Variants in DGKH observed in about 807,000 individuals in gnomAD.
DGKH encodes diacylglycerol kinase eta.
In DGKH, 90 loss-of-function variants were observed where a neutral mutation model predicts 159.3. That is an observed-to-expected ratio of 0.57 (90% CI 0.48 to 0.67). DGKH has a LOEUF of 0.67. Among genes scored for constraint, DGKH ranks in the 30% least tolerant of loss-of-function variants. The pLI, the probability that DGKH is intolerant of heterozygous loss-of-function variation, is 0.00. For synonymous variants in DGKH, 536 were observed against 553.8 expected (o/e 0.97, Z 0.45); for missense variants, 1,181 against 1,506.1 (o/e 0.78, Z 3.57).
In DGKH at chr13:42,233,769, C is replaced by T. The variant is rs1958355093; in HGVS notation, c.*4581C>T. The stretch of plus-strand genomic sequence containing the variant: ...TTGACATGTGGCATGTTCATTTGTT[C>T]ACAACTTAATCACGGGGGACATTTC... On this transcript the variant is annotated 3_prime_UTR_variant, in exon 30 of 30. Coordinates refer to ENST00000337343, the MANE Select transcript of DGKH (RefSeq NM_178009.5). The T allele has an allele frequency of 6.6e-6, 1 of 152,204 alleles. No individual in the cohort carries two copies. The highest frequency in any genetic ancestry group is 1.5e-5 in the Non-Finnish European group (1 of 68,026). The allele number at this position is 152,204 out of a possible 1,614,324, so 9.4% of individuals were successfully genotyped here.
intron 3 of DGKH, among the ~76,000 whole-genome samples, chr13:42,149,511 G>A (rs181327092): frequency 6.6e-6 from 1 of 152,308 alleles, no homozygotes; most frequent in East Asian, 1.9e-4. Flanking sequence ...CCTGGAGGCT[G>A]CAACATTGTT....
At chr13:42,122,093 A>G (rs1248162439) in intron 1 of DGKH, among the ~76,000 whole-genome samples, 1 of 152,232 alleles carries the variant, frequency 6.6e-6, no homozygotes, top group Non-Finnish European at 1.5e-5. Flanking sequence ...GCTAGACTAC[A>G]TAATTTCTGG....
intron 16 of DGKH, among the ~76,000 whole-genome samples, chr13:42,191,155 A>G (rs1272497884): frequency 1.3e-5 from 2 of 152,240 alleles, no homozygotes; most frequent in African/African-American, 4.8e-5. Context: ...AAATGAATTT[A>G]TACTTTTAAT....
At chr13:42,219,442 T>C (rs894943239) in intron 27 of DGKH, 93 bp downstream of exon 27, 1 of 1,494,596 alleles carries the variant, frequency 6.7e-7, no homozygotes, top group African/African-American at 1.4e-5. Context: ...TAGGGAAAAA[T>C]GAATTTTGAA....
At chr13:42,071,238 C>T in intron 1 of DGKH, 1 of 371,758 alleles carries the variant, frequency 2.7e-6, no homozygotes, top group East Asian at 5.6e-5. Context: ...TCTTGATGTT[C>T]ATTGCTTCTG....
intron 11 of DGKH, among the ~76,000 whole-genome samples, chr13:42,172,855 A>G (rs909588308): frequency 2.6e-5 from 4 of 151,392 alleles, no homozygotes; most frequent in African/African-American, 9.7e-5. Flanking sequence ...TAATATTTTT[A>G]GTAGAGACGG....
chr13:42,103,376 C>T (rs1276078649), intron 1 of DGKH, among the ~76,000 whole-genome samples: 1 of 152,136 alleles, frequency 6.6e-6, no homozygotes, highest in Non-Finnish European at 1.5e-5. Context: ...TTATTATCTA[C>T]ATTATATGAG....
rs1021965495 is a variant in DGKH, at chr13:42,127,708, T to A, written c.303+135T>A. 15 of 663,372 alleles carry A rather than the reference T, an allele frequency of 2.3e-5. No homozygotes were observed. The Admixed American group carries it at 3.6e-4, about 16-fold the overall frequency. The allele number at this position is 663,372 out of a possible 1,614,324, so 41.1% of individuals were successfully genotyped here. A position where few individuals can be genotyped will look rare whatever the true frequency, so the allele number is the denominator to read the frequency against. ...ATATGAATTCAATATAAATGTGATCTATCGGTGACCCCATCCCAAGCGGGT... is the reference window on the plus strand; with the variant it reads ...ATATGAATTCAATATAAATGTGATCAATCGGTGACCCCATCCCAAGCGGGT... On this transcript the variant is annotated intron_variant, in intron 2 of 29. Transcript: ENST00000337343.
chr13:42,199,472 G>T, intron 18 of DGKH, 94 bp from the exon 19 acceptor site: 1 of 833,266 alleles, frequency 1.2e-6, no homozygotes, highest in Non-Finnish European at 1.8e-6. Flanking sequence ...TAAAATGAAA[G>T]CTTAAATGGT....
At chr13:42,094,400 A>G (rs769035718) in intron 1 of DGKH, among the ~76,000 whole-genome samples, 2 of 152,212 alleles carry the variant, frequency 1.3e-5, no homozygotes, top group Non-Finnish European at 2.9e-5. Context: ...ATCTTTAAAT[A>G]TACATTTTTT....
intron 3 of DGKH, among the ~76,000 whole-genome samples, chr13:42,134,028 C>T (rs182564094): frequency 5.3e-5 from 8 of 152,278 alleles, no homozygotes; most frequent in African/African-American, 1.9e-4. Context: ...TTCAGCCATC[C>T]CTCCTCTTGC....
At chr13:42,210,548 C>G in intron 23 of DGKH, 54 bp from the exon 24 acceptor site, 1 of 1,532,532 alleles carries the variant, frequency 6.5e-7, no homozygotes. Flanking sequence ...CACACATTTA[C>G]ATGGACCTCT....
intron 1 of DGKH, among the ~76,000 whole-genome samples, chr13:42,092,926 A>G (rs1425146823): frequency 2.0e-5 from 3 of 152,184 alleles, no homozygotes. Flanking sequence ...AGGTATACAA[A>G]TCATCAGCAA....
chr13:42,222,259 A>G (rs1957995142), intron 29 of DGKH, among the ~76,000 whole-genome samples: 1 of 152,346 alleles, frequency 6.6e-6, no homozygotes, highest in African/African-American at 2.4e-5. Flanking sequence ...CCTTTCATGT[A>G]GACCAAGTTC....
At chr13:42,186,880 T>A (rs751515764) in intron 13 of DGKH, among the ~76,000 whole-genome samples, 169 bp from the exon 14 acceptor site, 15 of 152,360 alleles carry the variant, frequency 9.8e-5, no homozygotes, top group Middle Eastern at 6.8e-3. Flanking sequence ...TTAGAATGTC[T>A]TGGACTTATG....
chr13:42,078,813 T>C (rs1157058698), intron 1 of DGKH, among the ~76,000 whole-genome samples: 1 of 151,700 alleles, frequency 6.6e-6, no homozygotes, highest in Non-Finnish European at 1.5e-5. Flanking sequence ...GTTCATACAA[T>C]AGATATTTTA....
intron 1 of DGKH, among the ~76,000 whole-genome samples, chr13:42,100,003 T>A (rs1474237199): frequency 6.6e-6 from 1 of 152,154 alleles, no homozygotes; most frequent in Non-Finnish European, 1.5e-5. Flanking sequence ...ACACATTAGA[T>A]CAGGGGTCCC....
chr13:42,241,618 A>G lies in DGKH; in HGVS notation c.*12430A>G, dbSNP rs559706520. 11 of 152,358 alleles carry G rather than the reference A, an allele frequency of 7.2e-5. No individual in the cohort carries two copies. In the East Asian group the frequency reaches 7.7e-4, roughly 11 times the overall value. The allele number at this position is 152,358 out of a possible 1,614,324, so 9.4% of individuals were successfully genotyped here. On this transcript the variant is annotated 3_prime_UTR_variant, in exon 30 of 30. Coordinates refer to ENST00000337343, the MANE Select transcript of DGKH (RefSeq NM_178009.5). ...TTTGATGACACACACACCAAAATATATAAGAGCTGTGCATGGTAAACCCAC... is the reference window on the plus strand; with the variant it reads ...TTTGATGACACACACACCAAAATATGTAAGAGCTGTGCATGGTAAACCCAC...
chr13:42,240,612 G>A lies in DGKH; in HGVS notation c.*11424G>A, dbSNP rs1038588007. 9.2e-5 allele frequency: 14 copies of A among 152,148 alleles called. No individual in the cohort carries two copies. Among genetic ancestry groups the A allele is most frequent in the African/African-American group, 3.4e-4 (14 of 41,408 alleles). 9.4% of individuals were successfully genotyped at this position (152,148 alleles called of 1,614,324 possible). On this transcript the variant is annotated 3_prime_UTR_variant, in exon 30 of 30. Coordinates refer to ENST00000337343, the MANE Select transcript of DGKH (RefSeq NM_178009.5). ...ATTCAGCTGGGGGGAAATAGACTGA[G>A]TTTGTGTGATTTCAGGTTATTTAGA...
Sources: allele counts gnomAD v4.1 joint callset (sites outside exome capture counted in the v4.1 genomes callset), GRCh38; gene constraint gnomAD v4.1.1; transcripts MANE v1.5; gene names NCBI Gene and HGNC (gene_info 2026-07-23, HGNC 2026-07-21).